LNX2: variants seen among roughly 807,000 people sequenced by gnomAD.
LNX2 encodes the protein ligand of numb-protein X 2, also known as ligand of Numb protein X 2.
In LNX2, 35 loss-of-function variants were observed where a neutral mutation model predicts 66.2. The observed-to-expected ratio is 0.53, with a 90% CI of 0.40 to 0.70. LNX2 has a LOEUF of 0.70. Ranked by LOEUF, LNX2 falls within the 30% of genes least tolerant of loss-of-function variation. The pLI, the probability that LNX2 is intolerant of heterozygous loss-of-function variation, is 0.00. For synonymous variants in LNX2, 337 were observed against 315.6 expected, an observed-to-expected ratio of 1.07 and a Z score of -0.72; for missense variants, 791 against 850.8, an observed-to-expected ratio of 0.93 and a Z score of 0.87.
intron 4 of LNX2, among the ~76,000 whole-genome samples, chr13:27,567,292 G>C (rs1475765007): frequency 1.3e-5 from 2 of 152,064 alleles, no homozygotes; most frequent in Non-Finnish European, 2.9e-5. Flanking sequence ...TAATACCAAT[G>C]AGATGATAAT....
chr13:27,554,979 T>A (rs1955041003), intron 7 of LNX2, among the ~76,000 whole-genome samples: 1 of 152,172 alleles, frequency 6.6e-6, no homozygotes, highest in Non-Finnish European at 1.5e-5. Flanking sequence ...TGAGACAGGA[T>A]CTCACTCTGA....
At chr13:27,582,534 A>G (rs1428667363) in intron 1 of LNX2, among the ~76,000 whole-genome samples, 1 of 152,204 alleles carries the variant, frequency 6.6e-6, no homozygotes, top group Non-Finnish European at 1.5e-5. Flanking sequence ...GTCATCTTAG[A>G]CATGCTTCTT....
At chr13:27,605,027 C>T (rs1282733884) in intron 1 of LNX2, among the ~76,000 whole-genome samples, 1 of 152,052 alleles carries the variant, frequency 6.6e-6, no homozygotes, top group Non-Finnish European at 1.5e-5. Context: ...AGAGTTCTTG[C>T]TGATAGCCCA....
rs7337262 is a variant in LNX2, at chr13:27,611,481, C to A, written c.-101+8894G>T. Among the ~76,000 whole-genome samples, 527 of 152,264 alleles carry A rather than the reference C, an allele frequency of 3.5e-3. 1 individual carries two copies. The highest frequency in any genetic ancestry group is 0.012 in the African/African-American group (504 of 41,554). On this transcript the variant is annotated intron_variant, in intron 1 of 9. Transcript: ENST00000316334. ...GGGAAGTTGTTTAATGGGTACAGAG[C>A]TTCAGTTTCATAAGATGAAAAAGTT... is the stretch of plus-strand genomic sequence containing the variant.
intron 3 of LNX2, among the ~76,000 whole-genome samples, chr13:27,568,812 T>C (rs1955238400): frequency 6.6e-6 from 1 of 152,132 alleles, no homozygotes; most frequent in Non-Finnish European, 1.5e-5. Context: ...GCCTCGGGGG[T>C]AAGATTTGTG....
chr13:27,568,282 T>C (rs1410394403), intron 3 of LNX2, among the ~76,000 whole-genome samples: 2 of 152,164 alleles, frequency 1.3e-5, no homozygotes, highest in Non-Finnish European at 2.9e-5. Context: ...AACGGAGACG[T>C]AGGAAATGAA....
intron 2 of LNX2, among the ~76,000 whole-genome samples, chr13:27,569,961 C>T (rs1014824707): frequency 6.6e-6 from 1 of 152,122 alleles, no homozygotes; most frequent in Non-Finnish European, 1.5e-5. Flanking sequence ...AAATCACAAC[C>T]GTTAACCTGT....
chr13:27,567,231 A>C (rs1480343690), intron 4 of LNX2, among the ~76,000 whole-genome samples: 3 of 152,130 alleles, frequency 2.0e-5, no homozygotes, highest in African/African-American at 7.2e-5. Flanking sequence ...TCTGTATAGA[A>C]AAGGATAAAT....
intron 5 of LNX2, 91 bp from the exon 6 acceptor site, chr13:27,560,076 A>C: frequency 8.3e-7 from 1 of 1,202,308 alleles, no homozygotes; most frequent in Non-Finnish European, 1.1e-6. Flanking sequence ...TGAACTTCTT[A>C]ATCACTGTAC....
chr13:27,612,173 T>C (rs944958639), intron 1 of LNX2, among the ~76,000 whole-genome samples: 1 of 152,098 alleles, frequency 6.6e-6, no homozygotes, highest in East Asian at 1.9e-4. Context: ...AGAGGTGGAG[T>C]TGGATAAAAG....
chr13:27,571,605 C>T (rs949863549), intron 2 of LNX2, among the ~76,000 whole-genome samples: 10 of 152,248 alleles, frequency 6.6e-5, no homozygotes, highest in African/African-American at 2.2e-4. Flanking sequence ...CTAAATAGCA[C>T]TGAATTGCAC....
rs1207674553 is a variant in LNX2 at position 27,556,325 on chromosome 13, C to T, written c.1457G>A (p.Gly486Asp). Residue 486 changes from glycine (G) to aspartate (D), a missense_variant, in exon 7 of 10, where the codon GGC becomes GAC. Gly to Asp is a moderately conservative substitution (Grantham distance 94, BLOSUM62 -1). Coordinates refer to ENST00000316334, the MANE Select transcript of LNX2 (RefSeq NM_153371.4). The part of the protein sequence containing the change: ...HESLGMTVAG[G>D]RGSKSGELPI... ...CAGCTCACCACTCTTACTTCCCCTG[C>T]CCCCAGCAACGGTCATGCCAAGGGA... 4.3e-6 allele frequency: 7 copies of T among 1,613,934 alleles called. No homozygotes were observed. The highest frequency in any genetic ancestry group is 1.7e-6 in the Non-Finnish European group (2 of 1,179,908).
At position 27,581,592 on chromosome 13, in the gene LNX2, A is replaced by T; in HGVS notation, c.112T>A (p.Tyr38Asn). ...QQHWTRENHL[Y>N]NYQNEVDDDL... is the part of the protein sequence containing the mutation. ...TCATCCACTTCATTCTGGTAATTGT[A>T]CAAATGGTTTTCTCTTGTCCAGTGC... is the stretch of plus-strand genomic sequence containing the variant. Residue 38 changes from tyrosine to asparagine, a missense_variant, in exon 2 of 10, where the codon TAC becomes AAC. By Grantham distance (143) the Tyr-to-Asn change is moderately radical (BLOSUM62 -2). Transcript: ENST00000316334. 1 of 1,614,200 alleles carries T rather than the reference A, an allele frequency of 6.2e-7. No homozygotes were observed. Among genetic ancestry groups the T allele is most frequent in the South Asian group, 1.1e-5 (1 of 91,082 alleles).
chr13:27,546,127 T>C lies in LNX2; in HGVS notation c.*2208A>G, dbSNP rs1401278912. On this transcript the variant is annotated 3_prime_UTR_variant, in exon 10 of 10. Transcript: ENST00000316334. ...ATATCACTCTGACCAAAAATGACTG[T>C]CTTTTGTCATAAAAGCTACAGCTTA... is the stretch of plus-strand genomic sequence containing the variant. The C allele has an allele frequency of 4.6e-5, 7 of 152,214 alleles. No individual in the cohort carries two copies. Among genetic ancestry groups the C allele is most frequent in the Admixed American group, 4.6e-4 (7 of 15,282 alleles). The allele number at this position is 152,214 out of a possible 1,614,324, so 9.4% of individuals were successfully genotyped here.
intron 4 of LNX2, among the ~76,000 whole-genome samples, chr13:27,566,988 C>T (rs751339559): frequency 6.6e-6 from 1 of 152,078 alleles, no homozygotes; most frequent in Non-Finnish European, 1.5e-5. Flanking sequence ...ATATCTTGTC[C>T]CATGCTAGTT....
At chr13:27,585,875 A>G (rs1303370072) in intron 1 of LNX2, among the ~76,000 whole-genome samples, 1 of 151,928 alleles carries the variant, frequency 6.6e-6, no homozygotes, top group African/African-American at 2.4e-5. Flanking sequence ...TAAATCTCTA[A>G]ATAACTTCAG....
upstream of LNX2, chr13:27,620,736 T>G (rs941678726): frequency 6.6e-6 from 1 of 151,690 alleles, no homozygotes; most frequent in Non-Finnish European, 1.5e-5. Context: ...CGGGTTAGAG[T>G]GAGACCACTC....
At chr13:27,601,116 A>T (rs1192777007) in intron 1 of LNX2, among the ~76,000 whole-genome samples, 1 of 152,190 alleles carries the variant, frequency 6.6e-6, no homozygotes, top group Non-Finnish European at 1.5e-5. Flanking sequence ...ATTGCTTTAC[A>T]AGCAGTATTT....
intron 1 of LNX2, among the ~76,000 whole-genome samples, chr13:27,592,841 A>G (rs1316850818): frequency 2.0e-5 from 3 of 152,216 alleles, no homozygotes; most frequent in African/African-American, 7.2e-5. Flanking sequence ...CAAATCCTGT[A>G]AGCAAGTAAA....
Sources: allele counts gnomAD v4.1 joint callset (sites outside exome capture counted in the v4.1 genomes callset), GRCh38; gene constraint gnomAD v4.1.1; transcripts MANE v1.5; gene names NCBI Gene and HGNC (gene_info 2026-07-23, HGNC 2026-07-21).